Variants in PDZRN4 observed in about 807,000 individuals in gnomAD.
The protein encoded by PDZRN4 is PDZ domain containing ring finger 4, also known as PDZ domain-containing RING finger protein 4.
Under a neutral mutation model 99.0 loss-of-function variants are expected in PDZRN4, and 70 were observed. That is an observed-to-expected ratio of 0.71 (90% confidence interval 0.58 to 0.86). PDZRN4 has a LOEUF of 0.86. Ranked by LOEUF, PDZRN4 falls within the 40% of genes least tolerant of loss-of-function variation. The pLI is 0.00. For missense variants in PDZRN4, 1,474 were observed against 1,331.2 expected, an observed-to-expected ratio of 1.11 and a Z score of -1.67; for synonymous variants, 551 against 501.6, an observed-to-expected ratio of 1.10 and a Z score of -1.32.
chr12:41,202,385 C>T (rs1378604955), intron 3 of PDZRN4, among the ~76,000 whole-genome samples: 1 of 152,156 alleles, frequency 6.6e-6, no homozygotes, highest in African/African-American at 2.4e-5. Flanking sequence ...AGTGTTTCTA[C>T]AAAGAGATAG....
At chr12:41,438,019 T>G in intron 3 of PDZRN4, 1 of 1,613,812 alleles carries the variant, frequency 6.2e-7, no homozygotes, top group South Asian at 1.1e-5. Flanking sequence ...CCCAGGTGAG[T>G]GCAGGGTCTG....
Position 41,487,045 on chromosome 12 carries a change from A to T in PDZRN4, c.844-19411A>T, listed in dbSNP as rs1005154742. Among the ~76,000 whole-genome samples the T allele has an allele frequency of 3.9e-5, 6 of 152,228 alleles. No homozygotes were observed. The East Asian group carries it at 1.2e-3, about 29-fold the overall frequency. ...ACTACAACTCCCCTCCTCCTGCCCC[A>T]ATTCTTCTCATTGTTTTATATTTTT... On this transcript the variant is annotated intron_variant, in intron 3 of 9. Transcript: ENST00000402685.
intron 3 of PDZRN4, among the ~76,000 whole-genome samples, chr12:41,458,624 A>G (rs995419617): frequency 6.6e-6 from 1 of 152,170 alleles, no homozygotes; most frequent in East Asian, 1.9e-4. Flanking sequence ...AGATGAAGTA[A>G]GGAGCTTTGC....
chr12:41,412,302 C>T (rs1355244734), intron 3 of PDZRN4: 2 of 151,950 alleles, frequency 1.3e-5, no homozygotes, highest in Admixed American at 6.6e-5. Context: ...AAAGACAGCA[C>T]GAAGGAGAAA....
intron 3 of PDZRN4, among the ~76,000 whole-genome samples, chr12:41,374,525 G>C (rs11180864): frequency 0.47 from 71,539 of 152,032 alleles, 17,711 homozygotes; most frequent in Middle Eastern, 0.65. Context: ...GATCAGCAAG[G>C]GTTTCAGAGA....
intron 3 of PDZRN4, among the ~76,000 whole-genome samples, chr12:41,200,372 G>T (rs1046071862): frequency 6.6e-5 from 10 of 152,086 alleles, no homozygotes; most frequent in African/African-American, 2.4e-4. Context: ...ACATCACTGA[G>T]ACTTTATTAT....
chr12:41,227,560 A>G (rs112774032), intron 3 of PDZRN4, among the ~76,000 whole-genome samples: 3,626 of 152,020 alleles, frequency 0.024, 109 homozygotes, highest in African/African-American at 0.07. Context: ...AGCTACTTGG[A>G]TGGCTGAGGT....
At chr12:41,449,626 A>C (rs1952758866) in intron 3 of PDZRN4, among the ~76,000 whole-genome samples, 1 of 152,192 alleles carries the variant, frequency 6.6e-6, no homozygotes, top group African/African-American at 2.4e-5. Context: ...GGAGGAACAA[A>C]GTGTCATGAG....
chr12:41,397,978 T>C (rs1952262022), intron 3 of PDZRN4, among the ~76,000 whole-genome samples: 1 of 152,052 alleles, frequency 6.6e-6, no homozygotes, highest in Admixed American at 6.6e-5. Context: ...AGTTCAAATC[T>C]GAACTTTGCT....
chr12:41,450,227 C>T (rs1271141549), intron 3 of PDZRN4, among the ~76,000 whole-genome samples: 1 of 152,016 alleles, frequency 6.6e-6, no homozygotes, highest in Non-Finnish European at 1.5e-5. Context: ...TTTGTTATTA[C>T]TTTTACATCT....
chr12:41,214,082 G>GT (rs747686665), intron 3 of PDZRN4, among the ~76,000 whole-genome samples: 3 of 151,662 alleles, frequency 2.0e-5, no homozygotes, highest in Non-Finnish European at 4.4e-5. Flanking sequence ...GATCAGAGAC[G>GT]TAGTGGGATA....
At chr12:41,562,913 A>G (rs536648941) in intron 7 of PDZRN4, among the ~76,000 whole-genome samples, 1 of 152,224 alleles carries the variant, frequency 6.6e-6, no homozygotes, top group East Asian at 1.9e-4. Context: ...ATATTTCATT[A>G]GTTGTATTAC....
intron 3 of PDZRN4, among the ~76,000 whole-genome samples, chr12:41,366,230 T>G (rs1248142393): frequency 1.3e-5 from 2 of 152,124 alleles, no homozygotes; most frequent in Non-Finnish European, 2.9e-5. Context: ...GTTAAATAAG[T>G]AATAAGGATA....
intron 3 of PDZRN4, among the ~76,000 whole-genome samples, chr12:41,239,525 C>T (rs1951089718): frequency 6.6e-6 from 1 of 152,080 alleles, no homozygotes; most frequent in African/African-American, 2.4e-5. Flanking sequence ...TCTGTTTTCC[C>T]AATTTGGAAA....
chr12:41,375,413 G>A (rs1000602194), intron 3 of PDZRN4, among the ~76,000 whole-genome samples: 54 of 152,118 alleles, frequency 3.5e-4, no homozygotes, highest in African/African-American at 1.2e-3. Flanking sequence ...AAGAGGAGGG[G>A]ATCTTGAATA....
chr12:41,444,090 C>G (rs1323717557), intron 3 of PDZRN4, among the ~76,000 whole-genome samples: 1 of 151,956 alleles, frequency 6.6e-6, no homozygotes, highest in African/African-American at 2.4e-5. Context: ...ATCGGAGTGG[C>G]CAGTGTGGTC....
intron 3 of PDZRN4, among the ~76,000 whole-genome samples, chr12:41,347,273 T>C (rs1040031599): frequency 1.3e-5 from 2 of 152,120 alleles, no homozygotes; most frequent in African/African-American, 4.8e-5. Flanking sequence ...AAGCAATGCA[T>C]TGGGATTCTA....
chr12:41,487,046 ATTC>A (rs1565595611), intron 3 of PDZRN4, among the ~76,000 whole-genome samples: 1 of 152,084 alleles, frequency 6.6e-6, no homozygotes, highest in Non-Finnish European at 1.5e-5. Flanking sequence ...TCCTGCCCCA[ATTC>A]TTCTCATTGT....
At chr12:41,368,016 C>T (rs1952014362) in intron 3 of PDZRN4, among the ~76,000 whole-genome samples, 1 of 152,036 alleles carries the variant, frequency 6.6e-6, no homozygotes, top group African/African-American at 2.4e-5. Flanking sequence ...GCAATACTTA[C>T]CAAAACCACT....
Sources: allele counts gnomAD v4.1 joint callset (sites outside exome capture counted in the v4.1 genomes callset), GRCh38; gene constraint gnomAD v4.1.1; transcripts MANE v1.5; gene names NCBI Gene and HGNC (gene_info 2026-07-23, HGNC 2026-07-21).